The following ACSL3 variants were observed in gnomAD, a reference collection of about 807,000 sequenced individuals.
The protein encoded by ACSL3 is fatty acid CoA ligase Acsl3.
A neutral mutation model predicts 84.7 loss-of-function variants in ACSL3; 34 were observed. The observed-to-expected ratio is 0.40, with a 90% CI of 0.31 to 0.53. ACSL3 has a LOEUF of 0.53. Among genes scored for constraint, ACSL3 ranks in the 20% least tolerant of loss-of-function variants. The pLI is 0.48. For synonymous variants in ACSL3, 315 were observed against 299.4 expected (o/e 1.05, Z -0.54); for missense variants, 680 against 873.1 (o/e 0.78, Z 2.79).
chr2:222,903,213 T>C (rs771509552), intron 3 of ACSL3, among the ~76,000 whole-genome samples: 42 of 152,186 alleles, frequency 2.8e-4, no homozygotes, highest in Middle Eastern at 3.2e-3. Context: ...TCTTAACTTA[T>C]CGCACTTTTC....
chr2:222,939,924 T>TA (rs1213083215), intron 16 of ACSL3, among the ~76,000 whole-genome samples: 1 of 152,242 alleles, frequency 6.6e-6, no homozygotes, highest in Non-Finnish European at 1.5e-5. Flanking sequence ...TTCCCTTTGT[T>TA]AGATTGCATG....
intron 14 of ACSL3, 102 bp from the exon 15 acceptor site, chr2:222,933,064 A>G (rs1697071195): frequency 1.3e-5 from 8 of 639,836 alleles, no homozygotes; most frequent in East Asian, 2.9e-5. Flanking sequence ...AAATAATTTG[A>G]TAGCAAATTA....
intron 1 of ACSL3, among the ~76,000 whole-genome samples, chr2:222,873,767 C>G (rs138280538): frequency 2.0e-5 from 3 of 152,132 alleles, no homozygotes; most frequent in Non-Finnish European, 4.4e-5. Context: ...ACATAATGTA[C>G]TTTACCATTT....
At position 222,930,639 on chromosome 2, in the gene ACSL3, A is replaced by G. The variant is rs373209560; in HGVS notation, c.1559A>G (p.Asp520Gly). 6.2e-7 allele frequency: 1 copy of G among 1,612,858 alleles called. No homozygotes were observed. Among genetic ancestry groups the G allele is most frequent in the Non-Finnish European group, 8.5e-7 (1 of 1,179,480 alleles). Reference sequence around the variant, plus strand: ...TTATTAGGTGGATACTTTAATACTGATAAGCCACACCCCAGGGGTGAAATT... The same window carrying G: ...TTATTAGGTGGATACTTTAATACTGGTAAGCCACACCCCAGGGGTGAAATT... ...NWEEGGYFNT[D>G]KPHPRGEILI... Residue 520 changes from aspartate (D) to glycine (G), a missense_variant, in exon 14 of 17, where the codon GAT becomes GGT. Physicochemically the swap from Asp to Gly is moderately conservative, Grantham distance 94 (BLOSUM62 -1). Around this residue, in one of 2 missense-constraint regions of ACSL3, gnomAD observed 347 missense variants for 525.7 expected, o/e 0.66. Transcript: ENST00000357430.
At chr2:222,883,000 C>G (rs924688726) in intron 1 of ACSL3, among the ~76,000 whole-genome samples, 1 of 151,686 alleles carries the variant, frequency 6.6e-6, no homozygotes, top group Non-Finnish European at 1.5e-5. Context: ...AATCTCCTGA[C>G]CTTGTGATCT....
At chr2:222,874,029 TA>T (rs1409075418) in intron 1 of ACSL3, among the ~76,000 whole-genome samples, 4 of 152,218 alleles carry the variant, frequency 2.6e-5, no homozygotes, top group Non-Finnish European at 5.9e-5. Context: ...TTTTTATTTT[TA>T]TTTTTTTTTG....
chr2:222,902,495 T>A (rs1441737357), intron 3 of ACSL3, among the ~76,000 whole-genome samples: 2 of 152,208 alleles, frequency 1.3e-5, no homozygotes, highest in African/African-American at 4.8e-5. Context: ...ATACTTGGAA[T>A]TCTAGTACAT....
intron 1 of ACSL3, among the ~76,000 whole-genome samples, chr2:222,867,277 T>G (rs1411758894): frequency 6.6e-6 from 1 of 152,248 alleles, no homozygotes; most frequent in Non-Finnish European, 1.5e-5. Context: ...TTTCTTTTCC[T>G]GTCTTTTAAC....
chr2:222,940,429 C>A (rs1224917562), intron 16 of ACSL3, among the ~76,000 whole-genome samples: 1 of 151,398 alleles, frequency 6.6e-6, no homozygotes, highest in Non-Finnish European at 1.5e-5. Context: ...TCCTTCTCCT[C>A]ACATCTAGGT....
intron 2 of ACSL3, among the ~76,000 whole-genome samples, chr2:222,899,763 G>A (rs1481678778): frequency 2.6e-5 from 4 of 152,088 alleles, no homozygotes; most frequent in Admixed American, 6.6e-5. Context: ...TGTGATAAAG[G>A]AATAATTTTC....
At chr2:222,924,711 C>G in intron 11 of ACSL3, 116 bp downstream of exon 11, 3 of 1,189,756 alleles carry the variant, frequency 2.5e-6, no homozygotes, top group Non-Finnish European at 3.4e-6. Flanking sequence ...TTCATAAAGT[C>G]AAGAGAACTC....
At chr2:222,867,035 A>G (rs10469667) in intron 1 of ACSL3, among the ~76,000 whole-genome samples, 2,290 of 151,644 alleles carry the variant, frequency 0.015, 62 homozygotes, top group African/African-American at 0.053. Flanking sequence ...GGGTTTCACC[A>G]TGTTGGCCAG....
At chr2:222,938,347 C>G (rs1002992320) in intron 16 of ACSL3, among the ~76,000 whole-genome samples, 11 of 152,086 alleles carry the variant, frequency 7.2e-5, no homozygotes, top group African/African-American at 2.7e-4. Context: ...TAGGACTGGT[C>G]TAGTGGTGAT....
chr2:222,942,623 C>T lies in ACSL3; in HGVS notation c.*969C>T, dbSNP rs989407109. ...TTCTATCTCAAAGTCTCCTTTTAGT[C>T]TAGATAATCATTATTTCATTTTAAA... is the stretch of plus-strand genomic sequence containing the variant. On this transcript the variant is annotated 3_prime_UTR_variant, in exon 17 of 17. Coordinates refer to ENST00000357430, the MANE Select transcript of ACSL3 (RefSeq NM_004457.5). 1 of 200,428 alleles carries T rather than the reference C, an allele frequency of 5.0e-6. No individual in the cohort carries two copies. Among genetic ancestry groups the T allele is most frequent in the Non-Finnish European group, 1.0e-5 (1 of 97,624 alleles). 12.4% of individuals were successfully genotyped at this position (200,428 alleles called of 1,614,324 possible). A position where few individuals can be genotyped will look rare whatever the true frequency, so the allele number is the denominator to read the frequency against.
intron 1 of ACSL3, among the ~76,000 whole-genome samples, chr2:222,881,696 A>G (rs1559280112): frequency 6.6e-6 from 1 of 152,080 alleles, no homozygotes; most frequent in Non-Finnish European, 1.5e-5. Flanking sequence ...TTGTATTTTT[A>G]GTAGAGATGG....
chr2:222,868,317 A>G (rs554979006), intron 1 of ACSL3, among the ~76,000 whole-genome samples: 8 of 152,264 alleles, frequency 5.3e-5, no homozygotes, highest in African/African-American at 1.2e-4. Context: ...TTTAATTTCT[A>G]TGTCTCAATT....
Position 222,921,431 on chromosome 2 carries a change from G to A in ACSL3, c.956+1G>A. The A allele has an allele frequency of 1.3e-6, 2 of 1,575,316 alleles. No individual in the cohort carries two copies. The highest frequency in any genetic ancestry group is 1.7e-6 in the Non-Finnish European group (2 of 1,150,082). On this transcript the variant is annotated splice_donor_variant, in intron 8 of 16. Transcript: ENST00000357430. LOFTEE classifies it high-confidence loss of function. Reference sequence around the variant, plus strand: ...TGGCAGAAAGGATTCCAGAACTAGGGTATGTCATAGTAAAGTAACATTGAG... The same window carrying A: ...TGGCAGAAAGGATTCCAGAACTAGGATATGTCATAGTAAAGTAACATTGAG...
At position 222,943,840 on chromosome 2, in the gene ACSL3, G is replaced by A. The variant is rs1697390826; in HGVS notation, c.*2186G>A. On this transcript the variant is annotated 3_prime_UTR_variant, in exon 17 of 17. Transcript: ENST00000357430. ...ATTATGACTCATATAAGAAATACTG[G>A]TTTAACCAGGAGATATTTGGGGAGC... 6.6e-6 allele frequency: 1 copy of A among 152,002 alleles called. No homozygotes were observed. The highest frequency in any genetic ancestry group is 1.5e-5 in the Non-Finnish European group (1 of 67,976). The allele number at this position is 152,002 out of a possible 1,614,324, so 9.4% of individuals were successfully genotyped here.
chr2:222,919,883 C>G (rs561691338), intron 7 of ACSL3, among the ~76,000 whole-genome samples: 1 of 152,214 alleles, frequency 6.6e-6, no homozygotes, highest in East Asian at 1.9e-4. Context: ...GTGTAAAAGT[C>G]TAGTACTCGA....
Sources: allele counts gnomAD v4.1 joint callset (sites outside exome capture counted in the v4.1 genomes callset), GRCh38; gene constraint gnomAD v4.1.1; regional missense constraint gnomAD v4.1.1; transcripts MANE v1.5; gene names NCBI Gene and HGNC (gene_info 2026-07-23, HGNC 2026-07-21).